SUSD6: variants seen among roughly 807,000 people sequenced by gnomAD.
The protein encoded by SUSD6 is sushi domain-containing protein 6.
SUSD6 carries 16 observed loss-of-function variants against 28.4 expected under a neutral mutation model. The ratio of observed to expected loss-of-function variants is 0.56; its 90% CI spans 0.38 to 0.86. SUSD6 has a LOEUF of 0.86. Among genes scored for constraint, SUSD6 ranks in the 40% least tolerant of loss-of-function variants. SUSD6 has a pLI of 0.00. For synonymous variants in SUSD6, 147 were observed against 159.6 expected (o/e 0.92, Z 0.59); for missense variants, 341 against 384.2 (o/e 0.89, Z 0.94).
chr14:69,657,192 A>G (rs1885595997), intron 1 of SUSD6, among the ~76,000 whole-genome samples: 1 of 152,208 alleles, frequency 6.6e-6, no homozygotes, highest in Non-Finnish European at 1.5e-5. Flanking sequence ...GCAGTGGTTC[A>G]CGCCTGTAAT....
At chr14:69,616,031 T>A (rs1884955213) in intron 1 of SUSD6, among the ~76,000 whole-genome samples, 1 of 152,222 alleles carries the variant, frequency 6.6e-6, no homozygotes, top group Admixed American at 6.5e-5. Context: ...TTATTTTATT[T>A]TATTTTTTGG....
Position 69,654,653 on chromosome 14 carries a change from G to C in SUSD6, c.-80-3860G>C, listed in dbSNP as rs550694492. 2.6e-5 allele frequency among the ~76,000 whole-genome samples: 4 copies of C among 151,976 alleles called. No homozygotes were observed. In the East Asian group the frequency reaches 7.7e-4, roughly 29 times the overall value. On this transcript the variant is annotated intron_variant, in intron 1 of 5. Transcript: ENST00000342745. ...CATTTTGTTTGAATAGATAATACAT[G>C]TACAAAGTACAACACTCAATATAGT...
intron 1 of SUSD6, among the ~76,000 whole-genome samples, chr14:69,638,178 A>G (rs537292209): frequency 6.6e-6 from 1 of 152,250 alleles, no homozygotes; most frequent in East Asian, 1.9e-4. Context: ...CAAATGATGA[A>G]TCTCTTTCCA....
intron 2 of SUSD6, among the ~76,000 whole-genome samples, chr14:69,663,280 T>C (rs927570250): frequency 1.3e-5 from 2 of 152,236 alleles, no homozygotes; most frequent in Non-Finnish European, 1.5e-5. Flanking sequence ...TTTTTCCCCT[T>C]AAAATGTTGC....
At chr14:69,697,333 A>G (rs539981353) in intron 2 of SUSD6, among the ~76,000 whole-genome samples, 29 of 152,208 alleles carry the variant, frequency 1.9e-4, no homozygotes, top group African/African-American at 5.8e-4. Flanking sequence ...ATCTCATCCT[A>G]TGATTTAGAA....
intron 2 of SUSD6, among the ~76,000 whole-genome samples, chr14:69,684,581 A>G (rs1886044432): frequency 6.6e-6 from 1 of 152,250 alleles, no homozygotes; most frequent in Admixed American, 6.5e-5. Flanking sequence ...GACAGTTTCA[A>G]TTTCAGCTGC....
At chr14:69,680,013 A>G (rs1350556682) in intron 2 of SUSD6, among the ~76,000 whole-genome samples, 5 of 152,244 alleles carry the variant, frequency 3.3e-5, no homozygotes, top group Non-Finnish European at 7.3e-5. Context: ...ATGTGGGAAT[A>G]GGGATTTAGC....
rs1289955500 is a variant in SUSD6 at position 69,683,257 on chromosome 14, T to C, written c.122-20138T>C. Reference sequence around the variant, plus strand: ...GATCTTTTTAAGCATTTAGTTTATATATGTTGTGAGAGGTAACAGCCCTTC... The same window carrying C: ...GATCTTTTTAAGCATTTAGTTTATACATGTTGTGAGAGGTAACAGCCCTTC... On this transcript the variant is annotated intron_variant, in intron 2 of 5. Coordinates refer to ENST00000342745, the MANE Select transcript of SUSD6 (RefSeq NM_014734.4). 2.0e-5 allele frequency among the ~76,000 whole-genome samples: 3 copies of C among 152,108 alleles called. No homozygotes were observed. The East Asian group carries it at 5.8e-4, about 29-fold the overall frequency.
chr14:69,612,640 C>A (rs1306933688), intron 1 of SUSD6, among the ~76,000 whole-genome samples: 2 of 152,080 alleles, frequency 1.3e-5, no homozygotes, highest in East Asian at 3.9e-4. Flanking sequence ...AAAATAAAGT[C>A]TTGGGCTGGT....
At chr14:69,648,367 G>A (rs1458691817) in intron 1 of SUSD6, among the ~76,000 whole-genome samples, 1 of 152,170 alleles carries the variant, frequency 6.6e-6, no homozygotes, top group Non-Finnish European at 1.5e-5. Flanking sequence ...AGAAACACAA[G>A]TAGAATCCAA....
chr14:69,657,830 T>C (rs755649572), intron 1 of SUSD6, among the ~76,000 whole-genome samples: 42 of 152,338 alleles, frequency 2.8e-4, no homozygotes, highest in Admixed American at 2.0e-4. Flanking sequence ...CCTATTTTTC[T>C]GAAGTCTTTG....
In SUSD6 at chr14:69,710,894, A is replaced by G; in HGVS notation, c.887-60A>G. 7.1e-6 allele frequency: 11 copies of G among 1,548,140 alleles called. No individual in the cohort carries two copies. In the South Asian group the frequency reaches 1.2e-4, roughly 17 times the overall value. The stretch of plus-strand genomic sequence containing the variant: ...TAGCCCCTAAGTTGCAGTGGGGTCG[A>G]GAGTGCTCTAGAGTTCCACACAAGG... On this transcript the variant is annotated intron_variant, in intron 5 of 5. Transcript: ENST00000342745.
At chr14:69,666,602 G>T (rs114573634) in intron 2 of SUSD6, among the ~76,000 whole-genome samples, 2,056 of 152,132 alleles carry the variant, frequency 0.014, 44 homozygotes, top group African/African-American at 0.047. Flanking sequence ...CTTGCTTTTC[G>T]TAGCTATATT....
At chr14:69,702,392 G>C (rs1432875575) in intron 2 of SUSD6, among the ~76,000 whole-genome samples, 1 of 152,094 alleles carries the variant, frequency 6.6e-6, no homozygotes, top group South Asian at 2.1e-4. Context: ...GTCCAGAGTG[G>C]AATCAGAGGT....
At chr14:69,677,361 C>T (rs997848104) in intron 2 of SUSD6, among the ~76,000 whole-genome samples, 7 of 151,834 alleles carry the variant, frequency 4.6e-5, no homozygotes, top group African/African-American at 1.5e-4. Context: ...CTGGCTAACA[C>T]GGTGAAACCC....
intron 2 of SUSD6, among the ~76,000 whole-genome samples, chr14:69,697,267 C>T (rs1253082812): frequency 6.6e-6 from 1 of 152,174 alleles, no homozygotes; most frequent in African/African-American, 2.4e-5. Flanking sequence ...GTCGACTTCT[C>T]TGCCCAACCT....
chr14:69,672,190 C>A (rs1885843104), intron 2 of SUSD6, among the ~76,000 whole-genome samples: 1 of 152,174 alleles, frequency 6.6e-6, no homozygotes, highest in Non-Finnish European at 1.5e-5. Context: ...CCAACAAACC[C>A]CCACATCTTG....
At chr14:69,622,716 C>T (rs1051942690) in intron 1 of SUSD6, among the ~76,000 whole-genome samples, 2 of 152,124 alleles carry the variant, frequency 1.3e-5, no homozygotes, top group Non-Finnish European at 2.9e-5. Flanking sequence ...GCCTCAGCCT[C>T]CCGAGTAGCT....
chr14:69,639,768 G>A (rs978215808), intron 1 of SUSD6, among the ~76,000 whole-genome samples: 1 of 152,128 alleles, frequency 6.6e-6, no homozygotes, highest in Non-Finnish European at 1.5e-5. Context: ...GTTGTGGGAT[G>A]TTTAGTTGAC....
Sources: gnomAD v4.1 joint callset for allele counts (sites outside exome capture counted in the v4.1 genomes callset) on GRCh38, gnomAD v4.1.1 for gene constraint, MANE v1.5 for transcripts, NCBI Gene and HGNC (gene_info 2026-07-23, HGNC 2026-07-21) for gene names.